Variants in CFAP46 observed in about 807,000 individuals in gnomAD.
CFAP46 encodes the protein cilia- and flagella-associated protein 46.
A neutral mutation model predicts 325.7 loss-of-function variants in CFAP46; 245 were observed. That is an observed-to-expected ratio of 0.75 (90% confidence interval 0.68 to 0.84). The LOEUF is 0.84. CFAP46 is among the 40% of genes least tolerant of loss of function. The pLI is 0.00. For missense variants in CFAP46, 3,346 were observed against 3,543.0 expected (o/e 0.94, Z 1.41); for synonymous variants, 1,523 against 1,495.9 (o/e 1.02, Z -0.42).
Position 132,937,015 on chromosome 10 carries a change from T to C in CFAP46, c.701A>G (p.Glu234Gly). 1 of 1,538,214 alleles carries C rather than the reference T, an allele frequency of 6.5e-7. No homozygotes were observed. The highest frequency in any genetic ancestry group is 8.8e-7 in the Non-Finnish European group (1 of 1,132,324). ...TGACAGGCTAATGGAATTTTTCTTT[T>C]CTTCCTTTAACTGAAGTTCGTCCAT... ...ELMDELQLKEEKKNSISLSVT... is the reference protein window; with the variant it reads ...ELMDELQLKEGKKNSISLSVT... Residue 234 changes from glutamate to glycine, a missense_variant, in exon 7 of 58, where the codon GAA becomes GGA. Transcript: ENST00000368586.
chr10:132,837,969 ACACT>A (rs955875463), intron 44 of CFAP46, among the ~76,000 whole-genome samples: 19 of 151,842 alleles, frequency 1.3e-4, no homozygotes, highest in East Asian at 5.9e-4. Context: ...ACAGACGCAC[ACACT>A]CACGCAGACA....
At chr10:132,839,107 ATG>A (rs1366458454) in intron 44 of CFAP46, among the ~76,000 whole-genome samples, 2 of 152,208 alleles carry the variant, frequency 1.3e-5, no homozygotes, top group African/African-American at 4.8e-5. Flanking sequence ...TGGGACACAC[ATG>A]TGTCGGCAAC....
At chr10:132,912,316 CTT>C (rs1849556153) in intron 19 of CFAP46, among the ~76,000 whole-genome samples, 1 of 85,912 alleles carries the variant, frequency 1.2e-5, no homozygotes, top group Admixed American at 1.4e-4. Flanking sequence ...TCTCCTGTCT[CTT>C]CTCCTCTCTT....
chr10:132,848,329 G>T (rs896559493), intron 41 of CFAP46, among the ~76,000 whole-genome samples: 1 of 152,190 alleles, frequency 6.6e-6, no homozygotes, highest in Non-Finnish European at 1.5e-5. Flanking sequence ...CAGTGAGGCC[G>T]ACAGCCAAGG....
Position 132,869,410 on chromosome 10 carries a change from G to A in CFAP46, c.4512-38C>T. ...TGGCCGAAAGAGTCAGTGTTGCACG[G>A]GCGCAGAGGGAGCCAGAAACGAAGC... is the stretch of plus-strand genomic sequence containing the variant. On this transcript the variant is annotated intron_variant, in intron 32 of 57. Coordinates refer to ENST00000368586, the MANE Select transcript of CFAP46 (RefSeq NM_001200049.3). The surrounding 1 kb of genome is among the most constrained non-coding windows in gnomAD (Gnocchi z 6.2). 2 of 1,440,790 alleles carry A rather than the reference G, an allele frequency of 1.4e-6. No individual in the cohort carries two copies. The highest frequency in any genetic ancestry group is 1.9e-6 in the Non-Finnish European group (2 of 1,079,250). 89.3% of individuals were successfully genotyped at this position (1,440,790 alleles called of 1,614,324 possible).
Position 132,857,846 on chromosome 10 carries a change from AAT to A in CFAP46, c.5376-60_5376-59del, listed in dbSNP as rs1233670610. 3.0e-6 allele frequency: 4 copies of A among 1,329,820 alleles called. No homozygotes were observed. In the African/African-American group the frequency reaches 6.0e-5, roughly 20 times the overall value. 82.4% of individuals were successfully genotyped at this position (1,329,820 alleles called of 1,614,324 possible). A position where few individuals can be genotyped will look rare whatever the true frequency, so the allele number is the denominator to read the frequency against. On this transcript the variant is annotated intron_variant, in intron 38 of 57. Coordinates refer to ENST00000368586, the MANE Select transcript of CFAP46 (RefSeq NM_001200049.3). The stretch of plus-strand genomic sequence containing the variant: ...ATTATGTTATTATTACTAAATGTTT[AAT>A]ATGTCATTTTCTATCATACTGTATA...
At position 132,889,295 on chromosome 10, in the gene CFAP46, T is replaced by C. The variant is rs1238810318; in HGVS notation, c.3304+3038A>G. 1.3e-5 allele frequency among the ~76,000 whole-genome samples: 2 copies of C among 152,176 alleles called. No homozygotes were observed. The highest frequency in any genetic ancestry group is 1.5e-5 in the Non-Finnish European group (1 of 68,036). On this transcript the variant is annotated intron_variant, in intron 25 of 57. Coordinates refer to ENST00000368586, the MANE Select transcript of CFAP46 (RefSeq NM_001200049.3). This position sits in a 1 kb window ranked among gnomAD's most constrained non-coding sequence, Gnocchi z 6.0. ...CTGACTCATTTTTCATGAGACTGCA[T>C]TCTCCAGAGCCGACCGGCTGGGTCT...
chr10:132,908,571 G>T lies in CFAP46; in HGVS notation c.2821C>A (p.Arg941=). The T allele has an allele frequency of 6.5e-7, 1 of 1,550,238 alleles. No homozygotes were observed. Among genetic ancestry groups the T allele is most frequent in the Non-Finnish European group, 8.7e-7 (1 of 1,146,812 alleles). The change falls in exon 22 of 58, where the codon CGG becomes AGG. Residue 941 remains arginine, a synonymous_variant. Coordinates refer to ENST00000368586, the MANE Select transcript of CFAP46 (RefSeq NM_001200049.3). ...GCTGCATGGGCGAAGTGGGTCAGCC[G>T]CGTCAGGGTCTGCAGCTCCACCAGG... ...DPLVELQTLT[R]LTHFAHAARD...
At chr10:132,931,306 C>T (rs1849897190) in intron 8 of CFAP46, among the ~76,000 whole-genome samples, 1 of 122,252 alleles carries the variant, frequency 8.2e-6, no homozygotes, top group Non-Finnish European at 1.7e-5. Context: ...TGGGCCTTCC[C>T]CACACTCCTC....
In CFAP46 at chr10:132,920,080, C is replaced by T. The variant is rs750295891; in HGVS notation, c.1709G>A (p.Gly570Asp). 61 of 1,546,962 alleles carry T rather than the reference C, an allele frequency of 3.9e-5. No individual in the cohort carries two copies. Among genetic ancestry groups the T allele is most frequent in the Middle Eastern group, 1.7e-4 (1 of 5,978 alleles). ...DKAAGHLRRL[G>D]NENDKERIQI... ...TCACCTCTCCTTGTCGTTTTCGTTG[C>T]CCAGGCGCCGCAGGTGCCCGGCAGC... Residue 570 changes from glycine (G) to aspartate (D), a missense_variant, in exon 14 of 58, where the codon GGC (glycine) becomes GAC (aspartate). Physicochemically the swap from Gly to Asp is moderately conservative, Grantham distance 94. Coordinates refer to ENST00000368586, the MANE Select transcript of CFAP46 (RefSeq NM_001200049.3).
chr10:132,941,940 G>A (rs1442301121), intron 2 of CFAP46, 40 bp downstream of exon 2: 11 of 1,548,702 alleles, frequency 7.1e-6, no homozygotes, highest in Admixed American at 2.0e-5. Flanking sequence ...CCCTCTCCCT[G>A]TCAAAGCTGC....
At chr10:132,822,894 GTGC>G (rs1847907173) in intron 50 of CFAP46, among the ~76,000 whole-genome samples, 1 of 145,828 alleles carries the variant, frequency 6.9e-6, no homozygotes, top group East Asian at 2.2e-4. Context: ...GCGCTGATGT[GTGC>G]TGATGTGTGC....
intron 22 of CFAP46, among the ~76,000 whole-genome samples, chr10:132,900,828 C>A (rs531138661): frequency 6.6e-6 from 1 of 152,222 alleles, no homozygotes; most frequent in African/African-American, 2.4e-5. Context: ...TGACTTCCCC[C>A]CTACTTTGTT....
In CFAP46 at chr10:132,877,913, C is replaced by T; in HGVS notation, c.4180G>A (p.Gly1394Arg). 6.5e-7 allele frequency: 1 copy of T among 1,542,582 alleles called. No individual in the cohort carries two copies. Among genetic ancestry groups the T allele is most frequent in the Non-Finnish European group, 8.7e-7 (1 of 1,143,716 alleles). Residue 1394 changes from glycine to arginine, a missense_variant, in exon 30 of 58, where the codon GGA (glycine) becomes AGA (arginine). Coordinates refer to ENST00000368586, the MANE Select transcript of CFAP46 (RefSeq NM_001200049.3). This position sits in a 1 kb window ranked among gnomAD's most constrained non-coding sequence, Gnocchi z 5.7. ...GGCTCCTTGACTTTCTCCTCCTTTC[C>T]CTTCTCCTTGTCCTTCTCTTTACTC... ...ERSKEKDKEK[G>R]KEEKVKEPKQ...
At position 132,860,486 on chromosome 10, in the gene CFAP46, T is replaced by C; in HGVS notation, c.5129A>G (p.Lys1710Arg). ...HIFQKLINAF[K>R]ILKKERPNRL... The stretch of plus-strand genomic sequence containing the variant: ...GTTTGGTCTTTCTTTCTTGAGGATC[T>C]TGAAGGCATTGATGAGCTTCTGAAA... The change falls in exon 37 of 58, where the codon AAG becomes AGG. Residue 1710 changes from lysine (K) to arginine (R), a missense_variant. Physicochemically the swap from Lys to Arg is conservative, Grantham distance 26. Coordinates refer to ENST00000368586, the MANE Select transcript of CFAP46 (RefSeq NM_001200049.3). The C allele has an allele frequency of 6.4e-7, 1 of 1,551,194 alleles. No individual in the cohort carries two copies. Among genetic ancestry groups the C allele is most frequent in the African/African-American group, 1.4e-5 (1 of 73,172 alleles).
At chr10:132,881,555 G>A (rs1849042942) in intron 27 of CFAP46, among the ~76,000 whole-genome samples, 1 of 152,208 alleles carries the variant, frequency 6.6e-6, no homozygotes, top group African/African-American at 2.4e-5. Flanking sequence ...GTATGAGGCT[G>A]CCCTAACCTG....
chr10:132,922,827 G>A (rs368972366), intron 11 of CFAP46, 119 bp from the exon 12 acceptor site: 30 of 771,444 alleles, frequency 3.9e-5, no homozygotes, highest in South Asian at 1.9e-4. Flanking sequence ...CTTGGTGCCC[G>A]GTGCCCCTGG....
rs141334327 is a variant in CFAP46 at position 132,850,815 on chromosome 10, T to G, written c.5763+302A>C. Among the ~76,000 whole-genome samples the G allele has an allele frequency of 4.9e-3, 747 of 152,354 alleles. 13 individuals carry two copies. The highest frequency in any genetic ancestry group is 0.017 in the African/African-American group (718 of 41,586). ...ATGGAGTCCACCTCTATTGAGCTCT[T>G]TAATCCACATATGCATTAATTATTA... On this transcript the variant is annotated intron_variant, in intron 40 of 57. Coordinates refer to ENST00000368586, the MANE Select transcript of CFAP46 (RefSeq NM_001200049.3).
At chr10:132,823,003 A>C (rs1455983889) in intron 50 of CFAP46, among the ~76,000 whole-genome samples, 1 of 85,060 alleles carries the variant, frequency 1.2e-5, no homozygotes, top group Admixed American at 1.4e-4. Context: ...GTGTGTGCTG[A>C]TGTGTGCTGT....
Sources: gnomAD v4.1 joint callset for allele counts (sites outside exome capture counted in the v4.1 genomes callset) on GRCh38, gnomAD v4.1.1 for gene constraint, Gnocchi (gnomAD v3.1) non-coding constraint, MANE v1.5 for transcripts, NCBI Gene and HGNC (gene_info 2026-07-23, HGNC 2026-07-21) for gene names.